Variants in RBBP8 observed in about 807,000 individuals in gnomAD.
RBBP8 encodes the protein RB binding protein 8, endonuclease, also known as DNA endonuclease RBBP8.
Under a neutral mutation model 108.3 loss-of-function variants are expected in RBBP8, and 88 were observed. The ratio of observed to expected loss-of-function variants is 0.81; its 90% CI spans 0.68 to 0.97. RBBP8 has a LOEUF of 0.97. Among genes scored for constraint, RBBP8 ranks in the 50% least tolerant of loss-of-function variants. The probability of loss-of-function intolerance (pLI) is 0.00; values close to 1 mark genes in which losing one functional copy is unlikely to be tolerated. For synonymous variants in RBBP8, 332 were observed against 348.2 expected (o/e 0.95, Z 0.52); for missense variants, 1,023 against 1,049.0 (o/e 0.98, Z 0.34).
chr18:22,977,090 G>A (rs1024750036), intron 6 of RBBP8, among the ~76,000 whole-genome samples: 2 of 152,088 alleles, frequency 1.3e-5, no homozygotes, highest in Non-Finnish European at 2.9e-5. Flanking sequence ...TATAGGAGAT[G>A]ATCTGATTGT....
chr18:22,945,584 C>T (rs868426968), intron 2 of RBBP8, among the ~76,000 whole-genome samples: 7 of 152,060 alleles, frequency 4.6e-5, no homozygotes, highest in East Asian at 1.9e-4. Flanking sequence ...GGTTTCTCCA[C>T]GTTGATCGGG....
chr18:22,960,891 G>C (rs1913043284), intron 4 of RBBP8, among the ~76,000 whole-genome samples: 1 of 152,142 alleles, frequency 6.6e-6, no homozygotes. Context: ...GGGTATGTCT[G>C]TTCTAAAAGA....
chr18:22,981,262 G>A (rs1345226637), intron 6 of RBBP8, among the ~76,000 whole-genome samples: 2 of 152,090 alleles, frequency 1.3e-5, no homozygotes, highest in African/African-American at 4.8e-5. Context: ...GAGCCACCGC[G>A]CCCGGCCCCA....
Position 23,024,222 on chromosome 18 carries a change from A to G in RBBP8, c.2597-1921A>G, listed in dbSNP as rs533327205. On this transcript the variant is annotated intron_variant, in intron 18 of 18. Transcript: ENST00000327155. The stretch of plus-strand genomic sequence containing the variant: ...TTTAACTGAAGATTTTATTCTCTAC[A>G]TTATTGTATTCTTAGACTTTTTTTG... 6.6e-5 allele frequency among the ~76,000 whole-genome samples: 10 copies of G among 152,018 alleles called. No homozygotes were observed. In the South Asian group the frequency reaches 2.1e-3, roughly 32 times the overall value.
chr18:22,983,422 A>C (rs1264578744), intron 7 of RBBP8, among the ~76,000 whole-genome samples: 1 of 152,202 alleles, frequency 6.6e-6, no homozygotes, highest in Non-Finnish European at 1.5e-5. Context: ...AAACAAAAGA[A>C]CTGTTAAAAA....
intron 16 of RBBP8, among the ~76,000 whole-genome samples, chr18:23,016,560 C>T (rs1008657956): frequency 6.6e-6 from 1 of 152,078 alleles, no homozygotes; most frequent in Non-Finnish European, 1.5e-5. Context: ...ATAAATATTT[C>T]TGTGAAGGAC....
At chr18:22,940,200 G>A (rs929319116) in intron 2 of RBBP8, among the ~76,000 whole-genome samples, 4 of 151,866 alleles carry the variant, frequency 2.6e-5, no homozygotes, top group African/African-American at 9.7e-5. Context: ...TTTGGGATTT[G>A]GGATTTTGAT....
intron 14 of RBBP8, 56 bp from the exon 15 acceptor site, chr18:23,001,530 T>A: frequency 6.3e-7 from 1 of 1,599,466 alleles, no homozygotes; most frequent in Non-Finnish European, 8.6e-7. Flanking sequence ...TTCATGATGG[T>A]CTACATATTA....
intron 2 of RBBP8, among the ~76,000 whole-genome samples, chr18:22,939,191 G>C (rs1479566634): frequency 6.6e-6 from 1 of 152,058 alleles, no homozygotes; most frequent in Non-Finnish European, 1.5e-5. Context: ...CTAAAGTGTA[G>C]TATGTGAGTC....
At chr18:22,919,219 G>C (rs924079003) in intron 3 of RBBP8, among the ~76,000 whole-genome samples, 1 of 152,120 alleles carries the variant, frequency 6.6e-6, no homozygotes, top group African/African-American at 2.4e-5. Context: ...AGAATACCAC[G>C]ACAAACATTC....
intron 2 of RBBP8, among the ~76,000 whole-genome samples, chr18:22,944,792 A>G (rs191992182): frequency 6.6e-6 from 1 of 152,326 alleles, no homozygotes; most frequent in Admixed American, 6.5e-5. Context: ...ATTTTTCCAC[A>G]GTATATGGAT....
intron 2 of RBBP8, among the ~76,000 whole-genome samples, chr18:22,938,384 C>T (rs567573713): frequency 2.0e-5 from 3 of 151,514 alleles, no homozygotes; most frequent in South Asian, 2.1e-4. Context: ...GTCAGGGTTT[C>T]GCTATGTTGC....
intron 13 of RBBP8, among the ~76,000 whole-genome samples, chr18:22,996,692 T>C (rs1166010833): frequency 1.3e-5 from 2 of 152,234 alleles, no homozygotes; most frequent in African/African-American, 4.8e-5. Flanking sequence ...AAAATATTAA[T>C]ATAGTTTTTA....
At chr18:22,918,383 C>T (rs796639106) in intron 3 of RBBP8, among the ~76,000 whole-genome samples, 2 of 152,290 alleles carry the variant, frequency 1.3e-5, no homozygotes, top group African/African-American at 4.8e-5. Context: ...TGTCTTATTG[C>T]TTCCAGGTTA....
chr18:23,022,082 C>A, intron 17 of RBBP8, 47 bp from the exon 18 acceptor site: 1 of 1,426,972 alleles, frequency 7.0e-7, no homozygotes. Flanking sequence ...GCATAACACT[C>A]CATTTATTAT....
chr18:23,012,590 G>T (rs538579105), intron 16 of RBBP8, among the ~76,000 whole-genome samples: 12 of 152,330 alleles, frequency 7.9e-5, no homozygotes, highest in African/African-American at 2.9e-4. Flanking sequence ...TGAGGAAGCT[G>T]CAGAAGAAAA....
intron 15 of RBBP8, among the ~76,000 whole-genome samples, chr18:23,005,953 G>A (rs2046036346): frequency 1.3e-5 from 2 of 151,902 alleles, no homozygotes; most frequent in African/African-American, 2.4e-5. Flanking sequence ...TTGGGAGGCC[G>A]AGGCGGGCGG....
In RBBP8 at chr18:23,026,247, A is replaced by C. The variant is rs959056601; in HGVS notation, c.*7A>C. On this transcript the variant is annotated 3_prime_UTR_variant, in exon 19 of 19. Transcript: ENST00000327155. ...CAAGGAGCAGAAGACATAGACGTTGAAACAGAAACAGAAGGATGAAGGACA... is the reference window on the plus strand; with the variant it reads ...CAAGGAGCAGAAGACATAGACGTTGCAACAGAAACAGAAGGATGAAGGACA... The C allele has an allele frequency of 1.2e-6, 2 of 1,605,216 alleles. No individual in the cohort carries two copies. Among genetic ancestry groups the C allele is most frequent in the South Asian group, 2.2e-5 (2 of 90,764 alleles).
chr18:22,968,878 A>G lies in RBBP8; in HGVS notation c.321A>G (p.Glu107=), dbSNP rs1355313285. The part of the protein sequence containing the change: ...EHMRKKQQEF[E]NIRQQNLKLI... ...TGCGGAAAAAACAGCAAGAGTTTGA[A>G]AATATCCGGCAGCAGAATCTTAAAC... The change falls in exon 5 of 19, where the codon GAA becomes GAG. Residue 107 remains glutamate (E), a synonymous_variant. Coordinates refer to ENST00000327155, the MANE Select transcript of RBBP8 (RefSeq NM_002894.3). 1 of 1,613,480 alleles carries G rather than the reference A, an allele frequency of 6.2e-7. No individual in the cohort carries two copies. The highest frequency in any genetic ancestry group is 8.5e-7 in the Non-Finnish European group (1 of 1,179,562).
Sources: gnomAD v4.1 joint callset for allele counts (sites outside exome capture counted in the v4.1 genomes callset) on GRCh38, gnomAD v4.1.1 for gene constraint, MANE v1.5 for transcripts, NCBI Gene and HGNC (gene_info 2026-07-23, HGNC 2026-07-21) for gene names.